MAF: variants seen among roughly 807,000 people sequenced by gnomAD.
MAF encodes transcription factor Maf.
MAF carries 10 observed loss-of-function variants against 22.0 expected under a neutral mutation model. The observed-to-expected ratio is 0.45, with a 90% CI of 0.28 to 0.77. The LOEUF (loss-of-function observed/expected upper bound fraction) is 0.77. Among genes scored for constraint, MAF ranks in the 30% least tolerant of loss-of-function variants. MAF has a pLI of 0.12. For synonymous variants in MAF, 337 were observed against 255.8 expected (o/e 1.32, Z -3.03); for missense variants, 544 against 548.4 (o/e 0.99, Z 0.08).
At chr16:79,473,624 C>T in the MAF span, among the ~76,000 whole-genome samples, 1 of 152,222 alleles carries the variant, frequency 6.6e-6, no homozygotes, top group Admixed American at 6.5e-5. Context: ...CTGAGTTCAG[C>T]ACTCCAGAGC....
the MAF span, among the ~76,000 whole-genome samples, chr16:79,462,869 G>A: frequency 1.3e-5 from 2 of 152,192 alleles, no homozygotes; most frequent in Non-Finnish European, 2.9e-5. Flanking sequence ...ATTTTTACGG[G>A]GGAAATAGGT....
chr16:79,215,933 T>G, the MAF span, among the ~76,000 whole-genome samples: 5 of 152,300 alleles, frequency 3.3e-5, no homozygotes, highest in African/African-American at 9.6e-5. Flanking sequence ...CATTTCTCCC[T>G]GAACCCACTC....
At chr16:79,425,756 C>A in the MAF span, among the ~76,000 whole-genome samples, 2 of 151,260 alleles carry the variant, frequency 1.3e-5, no homozygotes, top group Non-Finnish European at 2.9e-5. Context: ...CTAATTCAGT[C>A]CTTCCAATCC....
the MAF span, among the ~76,000 whole-genome samples, chr16:79,435,806 T>G: frequency 1.3e-5 from 2 of 152,220 alleles, no homozygotes; most frequent in Non-Finnish European, 2.9e-5. Context: ...CCATACTTCG[T>G]AGCTAAAAAG....
the MAF span, among the ~76,000 whole-genome samples, chr16:79,305,290 G>C: frequency 1.3e-5 from 2 of 152,164 alleles, no homozygotes; most frequent in Admixed American, 6.5e-5. Flanking sequence ...CTCGGTTACC[G>C]AGCATATCCA....
At chr16:79,412,578 C>T in the MAF span, among the ~76,000 whole-genome samples, 345 of 152,278 alleles carry the variant, frequency 2.3e-3, 1 homozygote, top group Non-Finnish European at 3.8e-3. Flanking sequence ...TGGCCTTCAC[C>T]CTTTTGGCCA....
chr16:79,553,537 C>T, the MAF span, among the ~76,000 whole-genome samples: 2 of 152,234 alleles, frequency 1.3e-5, no homozygotes, highest in Admixed American at 1.3e-4. Context: ...ATTGCCTCCA[C>T]AACACAGTCT....
chr16:79,370,565 G>T, the MAF span, among the ~76,000 whole-genome samples: 1 of 152,226 alleles, frequency 6.6e-6, no homozygotes, highest in Non-Finnish European at 1.5e-5. Flanking sequence ...GAACCAGTGT[G>T]TTTGCAGAGG....
the MAF span, among the ~76,000 whole-genome samples, chr16:79,274,848 T>C: frequency 2.0e-5 from 3 of 152,274 alleles, no homozygotes; most frequent in South Asian, 2.1e-4. Flanking sequence ...CAGTCCAACA[T>C]GGTATAGAGG....
chr16:79,501,478 T>C, the MAF span, among the ~76,000 whole-genome samples: 2 of 152,188 alleles, frequency 1.3e-5, no homozygotes, highest in Non-Finnish European at 1.5e-5. Context: ...TGTCTGCCTT[T>C]CCATTGGCAG....
At chr16:79,346,899 C>T in the MAF span, among the ~76,000 whole-genome samples, 1 of 152,160 alleles carries the variant, frequency 6.6e-6, no homozygotes, top group African/African-American at 2.4e-5. Context: ...AAGATTTAAC[C>T]TGCAGTCAAA....
chr16:79,521,058 T>C, the MAF span, among the ~76,000 whole-genome samples: 5 of 152,192 alleles, frequency 3.3e-5, no homozygotes, highest in Non-Finnish European at 5.9e-5. Flanking sequence ...AACCACTGTA[T>C]CATACATTCC....
chr16:79,281,091 C>A, the MAF span, among the ~76,000 whole-genome samples: 4 of 151,834 alleles, frequency 2.6e-5, no homozygotes, highest in East Asian at 7.8e-4. Flanking sequence ...GAAGAAGAGA[C>A]GAAGACAAAT....
chr16:79,546,064 A>G, the MAF span, among the ~76,000 whole-genome samples: 1 of 152,066 alleles, frequency 6.6e-6, no homozygotes, highest in South Asian at 2.1e-4. Flanking sequence ...ATTATAAAAT[A>G]AAATATATCA....
chr16:79,545,615 C>CA, the MAF span, among the ~76,000 whole-genome samples: 4 of 152,100 alleles, frequency 2.6e-5, no homozygotes, highest in African/African-American at 4.8e-5. Context: ...CCCACCCCCC[C>CA]ACAGAGGCAT....
chr16:79,409,671 C>T, the MAF span, among the ~76,000 whole-genome samples: 1,695 of 152,264 alleles, frequency 0.011, 11 homozygotes, highest in Non-Finnish European at 0.018. Context: ...TAAACAGCAA[C>T]GCTCAATTGC....
chr16:79,544,241 T>A, the MAF span, among the ~76,000 whole-genome samples: 1 of 152,150 alleles, frequency 6.6e-6, no homozygotes, highest in East Asian at 1.9e-4. Context: ...GCTATTTAGA[T>A]TTAAATTAAT....
chr16:79,276,146 A>G, the MAF span, among the ~76,000 whole-genome samples: 1 of 39,994 alleles, frequency 2.5e-5, no homozygotes, highest in African/African-American at 5.4e-5. Flanking sequence ...TCTCAAAGAA[A>G]AAAAAAGAAA....
At chr16:79,308,694 A>G in the MAF span, among the ~76,000 whole-genome samples, 1 of 152,144 alleles carries the variant, frequency 6.6e-6, no homozygotes, top group East Asian at 1.9e-4. Flanking sequence ...ATATCCTTTA[A>G]TCCCCCACAT....
Sources: gnomAD v4.1 joint callset for allele counts (sites outside exome capture counted in the v4.1 genomes callset) on GRCh38, gnomAD v4.1.1 for gene constraint, MANE v1.5 for transcripts, NCBI Gene and HGNC (gene_info 2026-07-23, HGNC 2026-07-21) for gene names.